Variants in AIG1 observed in about 807,000 individuals in gnomAD.
The protein encoded by AIG1 is androgen-induced gene 1 protein.
AIG1 carries 23 observed loss-of-function variants against 31.4 expected under a neutral mutation model. The observed-to-expected ratio is 0.73, with a 90% CI of 0.53 to 1.04. The LOEUF is 1.04. Ranked by LOEUF, AIG1 falls within the 50% of genes least tolerant of loss-of-function variation. AIG1 has a pLI of 0.00. For missense variants in AIG1, 274 were observed against 295.0 expected (o/e 0.93, Z 0.52); for synonymous variants, 100 against 110.5 (o/e 0.90, Z 0.60).
At chr6:143,239,596 T>A (rs1371889665) in intron 3 of AIG1, among the ~76,000 whole-genome samples, 1 of 152,250 alleles carries the variant, frequency 6.6e-6, no homozygotes, top group African/African-American at 2.4e-5. Flanking sequence ...CCCTCTCATC[T>A]TCCTGCTTCC....
rs149345105 is a variant in AIG1 at position 143,137,216 on chromosome 6, G to A, written c.297+226G>A. On this transcript the variant is annotated intron_variant, in intron 2 of 5. Transcript: ENST00000357847. The stretch of plus-strand genomic sequence containing the variant: ...GTCCACAGGGTTCGTTTCTTCTGAG[G>A]CCTCTCTCCCCTTGGCTTGCAGACA... Among the ~76,000 whole-genome samples, 645 of 152,260 alleles carry A rather than the reference G, an allele frequency of 4.2e-3. 5 individuals are homozygous for A. Among genetic ancestry groups the A allele is most frequent in the African/African-American group, 0.012 (511 of 41,526 alleles).
chr6:143,305,189 A>G (rs1245654018), intron 4 of AIG1, among the ~76,000 whole-genome samples: 1 of 152,110 alleles, frequency 6.6e-6, no homozygotes, highest in Non-Finnish European at 1.5e-5. Context: ...TCCTGGATTC[A>G]TTAATTTTTT....
intron 3 of AIG1, chr6:143,189,549 T>A: frequency 1.0e-6 from 1 of 985,458 alleles, no homozygotes; most frequent in Non-Finnish European, 1.2e-6. Flanking sequence ...TTTCTCCAAT[T>A]GCCTGTATTT....
chr6:143,061,995 C>G (rs1460549588), intron 1 of AIG1, among the ~76,000 whole-genome samples: 1 of 152,152 alleles, frequency 6.6e-6, no homozygotes, highest in Non-Finnish European at 1.5e-5. Context: ...CTAAAGCACT[C>G]AGAGAAATTG....
At chr6:143,265,214 A>G (rs9390072) in intron 3 of AIG1, among the ~76,000 whole-genome samples, 35,768 of 152,164 alleles carry the variant, frequency 0.24, 5,734 homozygotes, top group East Asian at 0.74. Flanking sequence ...GGAAAAACCT[A>G]CAAACAAAAG....
intron 4 of AIG1, among the ~76,000 whole-genome samples, chr6:143,308,852 A>G: frequency 6.6e-6 from 1 of 152,176 alleles, no homozygotes; most frequent in Non-Finnish European, 1.5e-5. Context: ...AAAGCATTGT[A>G]TGGCTTTCCC....
rs182354234 is a variant in AIG1 at position 143,302,686 on chromosome 6, C to T, written c.515+18461C>T. On this transcript the variant is annotated intron_variant, in intron 4 of 5. Transcript: ENST00000357847. ...TGTGAATAGTGCCGCAATAAACATA[C>T]GTGTGCATGTGTCTTTATAGCAGCA... 7.7e-3 allele frequency among the ~76,000 whole-genome samples: 1,178 copies of T among 152,222 alleles called. 11 individuals are homozygous for T. The highest frequency in any genetic ancestry group is 0.025 in the African/African-American group (1,037 of 41,524).
chr6:143,259,537 G>A (rs931678432), intron 3 of AIG1, among the ~76,000 whole-genome samples: 2 of 152,108 alleles, frequency 1.3e-5, no homozygotes, highest in Non-Finnish European at 2.9e-5. Flanking sequence ...TAATATATAT[G>A]TATGCCTTTC....
chr6:143,324,548 C>A (rs913845375), intron 4 of AIG1, among the ~76,000 whole-genome samples: 1 of 152,234 alleles, frequency 6.6e-6, no homozygotes, highest in African/African-American at 2.4e-5. Context: ...GGCATCCAGG[C>A]TGAACACTAA....
chr6:143,180,480 A>G lies in AIG1; in HGVS notation c.399+15297A>G, dbSNP rs141041453. Among the ~76,000 whole-genome samples the G allele has an allele frequency of 4.4e-3, 676 of 152,336 alleles. 4 individuals carry two copies. The Middle Eastern group carries it at 0.075, about 17-fold the overall frequency. On this transcript the variant is annotated intron_variant, in intron 3 of 5. Coordinates refer to ENST00000357847, the MANE Select transcript of AIG1 (RefSeq NM_016108.4). ...AACCATGAACCTTTCTCTTCTGCTG[A>G]TAATAATTTTAAAGCATTGTCAGTG...
At chr6:143,140,504 CCTG>C (rs1462731006) in intron 2 of AIG1, among the ~76,000 whole-genome samples, 1 of 152,168 alleles carries the variant, frequency 6.6e-6, no homozygotes, top group East Asian at 1.9e-4. Flanking sequence ...GGTCTAGAAT[CCTG>C]CTGTAGTTTC....
rs1322615953 is a variant in AIG1, at chr6:143,292,668, A to G, written c.515+8443A>G. 6.6e-6 allele frequency among the ~76,000 whole-genome samples: 1 copy of G among 152,242 alleles called. No homozygotes were observed. The highest frequency in any genetic ancestry group is 1.5e-5 in the Non-Finnish European group (1 of 68,044). ...AGCCACAAGTCTGTGGCAATGTGTC[A>G]TAGTAGCAAGAAAAAAACGAATACT... On this transcript the variant is annotated intron_variant, in intron 4 of 5. Transcript: ENST00000357847. The surrounding 1 kb of genome is among the most constrained non-coding windows in gnomAD (Gnocchi z 4.9).
intron 4 of AIG1, among the ~76,000 whole-genome samples, chr6:143,321,573 A>T (rs576824215): frequency 6.6e-6 from 1 of 152,228 alleles, no homozygotes; most frequent in South Asian, 2.1e-4. Context: ...CCTGGGCGAC[A>T]AGAGGAAGAC....
Position 143,333,455 on chromosome 6 carries a change from G to C in AIG1, c.679+10G>C. 7 of 1,610,960 alleles carry C rather than the reference G, an allele frequency of 4.3e-6. No individual in the cohort carries two copies. The highest frequency in any genetic ancestry group is 5.1e-6 in the Non-Finnish European group (6 of 1,178,954). Reference sequence around the variant, plus strand: ...TGGGATACACAGAAAAGTAAGTATTGTCTGAGGGAACATAAAACAAGAGAA... The same window carrying C: ...TGGGATACACAGAAAAGTAAGTATTCTCTGAGGGAACATAAAACAAGAGAA... On this transcript the variant is annotated intron_variant, in intron 5 of 5. Coordinates refer to ENST00000357847, the MANE Select transcript of AIG1 (RefSeq NM_016108.4). The surrounding 1 kb of genome is among the most constrained non-coding windows in gnomAD (Gnocchi z 4.6).
chr6:143,191,395 CAG>C (rs1219648401), intron 3 of AIG1, among the ~76,000 whole-genome samples: 8 of 152,126 alleles, frequency 5.3e-5, no homozygotes, highest in Middle Eastern at 3.4e-3. Flanking sequence ...CTGCAGTTAA[CAG>C]GGGACATGAG....
chr6:143,076,852 T>C (rs1264819405), intron 1 of AIG1, among the ~76,000 whole-genome samples: 1 of 152,070 alleles, frequency 6.6e-6, no homozygotes, highest in Non-Finnish European at 1.5e-5. Flanking sequence ...CTTGTATTTT[T>C]GGTAGAGACA....
intron 4 of AIG1, among the ~76,000 whole-genome samples, chr6:143,324,211 G>C (rs1177689427): frequency 6.6e-6 from 1 of 152,188 alleles, no homozygotes; most frequent in Non-Finnish European, 1.5e-5. Flanking sequence ...TTCTCTGAAG[G>C]AAGTGTTTAT....
chr6:143,163,922 C>G (rs1786667162), intron 2 of AIG1, among the ~76,000 whole-genome samples: 1 of 152,114 alleles, frequency 6.6e-6, no homozygotes, highest in Non-Finnish European at 1.5e-5. Flanking sequence ...TCTCAGGCAG[C>G]CAGCCTCCTT....
intron 2 of AIG1, 34 bp from the exon 3 acceptor site, chr6:143,165,048 G>C: frequency 6.8e-7 from 1 of 1,472,748 alleles, no homozygotes; most frequent in Non-Finnish European, 9.5e-7. Context: ...GATAGTCGAT[G>C]AACTTGAAAT....
Sources: gnomAD v4.1 joint callset for allele counts (sites outside exome capture counted in the v4.1 genomes callset) on GRCh38, gnomAD v4.1.1 for gene constraint, Gnocchi (gnomAD v3.1) non-coding constraint, MANE v1.5 for transcripts, NCBI Gene and HGNC (gene_info 2026-07-23, HGNC 2026-07-21) for gene names.